Variants in MVB12B observed in about 807,000 individuals in gnomAD.
The protein encoded by MVB12B is multivesicular body subunit 12B.
Under a neutral mutation model 41.6 loss-of-function variants are expected in MVB12B, and 16 were observed. That is an observed-to-expected ratio of 0.38 (90% confidence interval 0.26 to 0.58). MVB12B has a LOEUF of 0.58. MVB12B is among the 20% of genes least tolerant of loss of function. The pLI is 0.62. For missense variants in MVB12B, 274 were observed against 380.2 expected, an observed-to-expected ratio of 0.72 and a Z score of 2.32; for synonymous variants, 133 against 139.7, an observed-to-expected ratio of 0.95 and a Z score of 0.34.
At chr9:126,421,813 G>C (rs1198341165) in intron 6 of MVB12B, 41 bp from the exon 7 acceptor site, 2 of 1,482,566 alleles carry the variant, frequency 1.3e-6, no homozygotes. Context: ...CTTGGGGAAT[G>C]CTCCTTGTAA....
intron 7 of MVB12B, among the ~76,000 whole-genome samples, chr9:126,465,398 G>C (rs185463655): frequency 1.3e-5 from 2 of 151,738 alleles, no homozygotes; most frequent in Admixed American, 1.3e-4. Flanking sequence ...CCTGGGGTTG[G>C]GGGTGGCAGG....
intron 2 of MVB12B, among the ~76,000 whole-genome samples, chr9:126,346,911 G>A (rs1432125482): frequency 1.3e-5 from 2 of 152,254 alleles, no homozygotes; most frequent in South Asian, 2.1e-4. Flanking sequence ...GAACTTGGTG[G>A]CAAGCTCAGA....
intron 2 of MVB12B, among the ~76,000 whole-genome samples, chr9:126,380,855 T>C (rs946345094): frequency 1.3e-5 from 2 of 152,256 alleles, no homozygotes; most frequent in African/African-American, 4.8e-5. Flanking sequence ...AATCAATGGC[T>C]TCCCCAGGGA....
intron 2 of MVB12B, among the ~76,000 whole-genome samples, chr9:126,341,520 C>T (rs77018925): frequency 0.018 from 2,800 of 152,240 alleles, 87 homozygotes; most frequent in African/African-American, 0.065. Context: ...TCTCATTAGC[C>T]AACACTGAAA....
intron 9 of MVB12B, among the ~76,000 whole-genome samples, chr9:126,494,338 G>A (rs1833788510): frequency 6.6e-6 from 1 of 152,148 alleles, no homozygotes; most frequent in Admixed American, 6.5e-5. Context: ...TGTCCTGGCA[G>A]CCACCACCAC....
intron 2 of MVB12B, among the ~76,000 whole-genome samples, chr9:126,373,280 T>A (rs1314821990): frequency 1.3e-5 from 2 of 152,238 alleles, no homozygotes; most frequent in African/African-American, 4.8e-5. Context: ...GAAAGCATCT[T>A]GAGCACACCA....
intron 7 of MVB12B, among the ~76,000 whole-genome samples, chr9:126,432,748 CTT>C (rs1018418451): frequency 3.9e-5 from 6 of 152,194 alleles, no homozygotes; most frequent in African/African-American, 7.2e-5. Flanking sequence ...ACCCAGGTCT[CTT>C]TGACTGCAGA....
At chr9:126,425,421 G>A (rs1832147458) in intron 7 of MVB12B, among the ~76,000 whole-genome samples, 1 of 152,052 alleles carries the variant, frequency 6.6e-6, no homozygotes, top group Non-Finnish European at 1.5e-5. Context: ...TTCCATAATA[G>A]CACGTGTTGC....
At chr9:126,466,527 A>G (rs747684235) in intron 7 of MVB12B, among the ~76,000 whole-genome samples, 18 of 152,224 alleles carry the variant, frequency 1.2e-4, no homozygotes, top group Non-Finnish European at 7.3e-5. Context: ...ATAGTGTGAC[A>G]TGACCGCGTA....
chr9:126,378,132 C>G (rs1830531587), intron 2 of MVB12B, among the ~76,000 whole-genome samples: 1 of 152,180 alleles, frequency 6.6e-6, no homozygotes, highest in African/African-American at 2.4e-5. Flanking sequence ...CACACCCCAC[C>G]TTACCCCAGC....
intron 3 of MVB12B, among the ~76,000 whole-genome samples, chr9:126,383,784 A>G (rs1223160799): frequency 6.6e-6 from 1 of 151,988 alleles, no homozygotes; most frequent in East Asian, 1.9e-4. Flanking sequence ...GTGAGGAGGG[A>G]CCACAGTTGG....
At position 126,335,201 on chromosome 9, in the gene MVB12B, C is replaced by T. The variant is rs539664162; in HGVS notation, c.82-5307C>T. 3.5e-6 allele frequency: 4 copies of T among 1,149,120 alleles called. No homozygotes were observed. The African/African-American group carries it at 6.4e-5, about 18-fold the overall frequency. 71.2% of individuals were successfully genotyped at this position (1,149,120 alleles called of 1,614,324 possible). ...GTGACTTGTTGCCACCTGACTATGT[C>T]CAGCAGCATTTGTCAGAGTGATTTG... On this transcript the variant is annotated intron_variant, in intron 1 of 9. Transcript: ENST00000361171.
Position 126,481,159 on chromosome 9 carries a change from C to T in MVB12B, c.758-210C>T, listed in dbSNP as rs186493859. On this transcript the variant is annotated intron_variant, in intron 7 of 9. Coordinates refer to ENST00000361171, the MANE Select transcript of MVB12B (RefSeq NM_033446.3). Reference sequence around the variant, plus strand: ...CAACTGCCTGGTGCTCAGGGGATGACGAGGCGCCTGCCTCTCTCAGTAGGT... The same window carrying T: ...CAACTGCCTGGTGCTCAGGGGATGATGAGGCGCCTGCCTCTCTCAGTAGGT... The T allele has an allele frequency of 4.6e-4, 271 of 589,570 alleles. No homozygotes were observed. The Middle Eastern group carries it at 8.7e-3, about 19-fold the overall frequency. 36.5% of individuals were successfully genotyped at this position (589,570 alleles called of 1,614,324 possible).
intron 7 of MVB12B, among the ~76,000 whole-genome samples, chr9:126,437,276 CAATT>C (rs1222171048): frequency 6.6e-5 from 10 of 152,238 alleles, no homozygotes; most frequent in East Asian, 3.9e-4. Flanking sequence ...AACCGAATGA[CAATT>C]AACAGATTGC....
At position 126,367,790 on chromosome 9, in the gene MVB12B, G is replaced by A. The variant is rs1830222650; in HGVS notation, c.205-13274G>A. ...AAGTAAGAAAGCAAAGCCTCTGAGA[G>A]CTCAAGGGTGTGGCTGAGTGGAGGT... On this transcript the variant is annotated intron_variant, in intron 2 of 9. Coordinates refer to ENST00000361171, the MANE Select transcript of MVB12B (RefSeq NM_033446.3). The surrounding 1 kb of genome is among the most constrained non-coding windows in gnomAD (Gnocchi z 4.3). 6.6e-6 allele frequency among the ~76,000 whole-genome samples: 1 copy of A among 152,198 alleles called. No homozygotes were observed. Among genetic ancestry groups the A allele is most frequent in the African/African-American group, 2.4e-5 (1 of 41,462 alleles).
intron 6 of MVB12B, among the ~76,000 whole-genome samples, chr9:126,403,948 A>ATAT (rs1831341462): frequency 1.5e-5 from 2 of 133,586 alleles, no homozygotes; most frequent in East Asian, 5.5e-4. Flanking sequence ...ACTCCTTTAA[A>ATAT]TCTTTTTTTT....
Position 126,386,667 on chromosome 9 carries a change from T to C in MVB12B, c.409+9T>C. 1 of 1,588,390 alleles carries C rather than the reference T, an allele frequency of 6.3e-7. No homozygotes were observed. Among genetic ancestry groups the C allele is most frequent in the Non-Finnish European group, 8.6e-7 (1 of 1,156,732 alleles). On this transcript the variant is annotated intron_variant, in intron 4 of 9. Coordinates refer to ENST00000361171, the MANE Select transcript of MVB12B (RefSeq NM_033446.3). This position sits in a 1 kb window ranked among gnomAD's most constrained non-coding sequence, Gnocchi z 4.3. ...GGAGACGGTGGACACACGTGAGTCA[T>C]CCTTTAGTAGCACTCATCACAATGA... is the stretch of plus-strand genomic sequence containing the variant.
chr9:126,384,039 T>C (rs1830704060), intron 3 of MVB12B, among the ~76,000 whole-genome samples: 1 of 151,804 alleles, frequency 6.6e-6, no homozygotes, highest in African/African-American at 2.4e-5. Context: ...CAGGAAAACA[T>C]GCCTAGTTGT....
chr9:126,362,550 TTAGA>T (rs1269189550), intron 2 of MVB12B, among the ~76,000 whole-genome samples: 1 of 152,174 alleles, frequency 6.6e-6, no homozygotes, highest in Non-Finnish European at 1.5e-5. Flanking sequence ...TCCTGATGAG[TTAGA>T]TAATTTCTAC....
Sources: allele counts gnomAD v4.1 joint callset (sites outside exome capture counted in the v4.1 genomes callset), GRCh38; gene constraint gnomAD v4.1.1; non-coding constraint Gnocchi (gnomAD v3.1); transcripts MANE v1.5; gene names NCBI Gene and HGNC (gene_info 2026-07-23, HGNC 2026-07-21).